Variants in NARS2 observed in about 807,000 individuals in gnomAD.
The protein encoded by NARS2 is asparaginyl-tRNA synthetase.
NARS2 carries 60 observed loss-of-function variants against 62.9 expected under a neutral mutation model. That is an observed-to-expected ratio of 0.95 (90% CI 0.77 to 1.18). NARS2 has a LOEUF of 1.18. NARS2 is among the 50% of genes most tolerant of loss of function. The pLI, the probability that NARS2 is intolerant of heterozygous loss-of-function variation, is 0.00. For synonymous variants in NARS2, 196 were observed against 200.0 expected (o/e 0.98, Z 0.17); for missense variants, 619 against 576.4 (o/e 1.07, Z -0.76).
At chr11:78,528,234 A>T (rs1031737300) in intron 6 of NARS2, among the ~76,000 whole-genome samples, 1 of 152,212 alleles carries the variant, frequency 6.6e-6, no homozygotes, top group African/African-American at 2.4e-5. Flanking sequence ...TCTAAAAAAA[A>T]TAAAAATAAA....
intron 4 of NARS2, among the ~76,000 whole-genome samples, chr11:78,564,408 C>A (rs1452102820): frequency 6.6e-6 from 1 of 152,128 alleles, no homozygotes; most frequent in Non-Finnish European, 1.5e-5. Context: ...CTAGGCTGGT[C>A]TCCAACTCCT....
intron 10 of NARS2, among the ~76,000 whole-genome samples, chr11:78,468,411 C>CT (rs112260820): frequency 0.014 from 1,844 of 132,464 alleles, 25 homozygotes; most frequent in African/African-American, 0.038. Flanking sequence ...TGTTGGTCAT[C>CT]TTTTTTTTTT....
intron 6 of NARS2, 36 bp downstream of exon 6, chr11:78,528,806 A>G (rs1482470860): frequency 7.1e-7 from 1 of 1,404,624 alleles, no homozygotes; most frequent in South Asian, 1.2e-5. Context: ...CCAAACCATA[A>G]TATATCAAAG....
chr11:78,573,110 C>T (rs192214852), intron 1 of NARS2: 3 of 152,270 alleles, frequency 2.0e-5, no homozygotes, highest in Admixed American at 6.5e-5. Context: ...ATATGGAACT[C>T]AAAGAGGAGC....
intron 6 of NARS2, among the ~76,000 whole-genome samples, chr11:78,509,390 G>T (rs4441045): frequency 0.71 from 107,266 of 151,922 alleles, 39,029 homozygotes; most frequent in Non-Finnish European, 0.81. Flanking sequence ...GCTATATAAA[G>T]AAATAAAGAT....
At chr11:78,478,558 T>A (rs527548860) in intron 8 of NARS2, 27 bp downstream of exon 8, 1 of 1,452,372 alleles carries the variant, frequency 6.9e-7, no homozygotes, top group Non-Finnish European at 9.6e-7. Context: ...AGTAGATGTA[T>A]TGGGCTTTAT....
rs745571729 is a variant in NARS2 at position 78,478,660 on chromosome 11, A to G, written c.846T>C (p.Ala282=). 6.2e-7 allele frequency: 1 copy of G among 1,610,202 alleles called. No individual in the cohort carries two copies. Among genetic ancestry groups the G allele is most frequent in the South Asian group, 1.1e-5 (1 of 90,690 alleles). Residue 282 remains alanine, a synonymous_variant, in exon 8 of 14, where the codon GCT becomes GCC. Transcript: ENST00000281038. ...ATTTTGAGAGAACCATCATTGTTGT[A>G]GCCTTGAACAGTTCCTCTATAACCT... ...LMQVIEELFK[A]TTMMVLSKCP... is the part of the protein sequence containing the mutation.
At chr11:78,548,402 T>C (rs1413802034) in intron 5 of NARS2, among the ~76,000 whole-genome samples, 1 of 152,176 alleles carries the variant, frequency 6.6e-6, no homozygotes, top group African/African-American at 2.4e-5. Flanking sequence ...TGAAACCATC[T>C]AGCACAACCA....
chr11:78,479,404 G>A (rs1448845918), intron 7 of NARS2, among the ~76,000 whole-genome samples: 1 of 152,092 alleles, frequency 6.6e-6, no homozygotes. Context: ...AGATCCTCAG[G>A]AGGCTGAGTT....
At chr11:78,549,406 C>T (rs1452974030) in intron 5 of NARS2, among the ~76,000 whole-genome samples, 2 of 152,182 alleles carry the variant, frequency 1.3e-5, no homozygotes, top group African/African-American at 4.8e-5. Flanking sequence ...AAATCTTTAC[C>T]CAAAGGAACT....
intron 7 of NARS2, among the ~76,000 whole-genome samples, chr11:78,486,615 G>C (rs533676789): frequency 1.3e-5 from 2 of 152,276 alleles, no homozygotes; most frequent in Admixed American, 1.3e-4. Context: ...CTAATAACTG[G>C]TAAAAACAAC....
At chr11:78,476,784 C>A (rs942965387) in intron 9 of NARS2, among the ~76,000 whole-genome samples, 5 of 152,046 alleles carry the variant, frequency 3.3e-5, no homozygotes, top group African/African-American at 1.2e-4. Context: ...GACAAGGACT[C>A]CAAAGCACAA....
intron 6 of NARS2, among the ~76,000 whole-genome samples, chr11:78,515,688 A>G (rs1329976069): frequency 6.7e-6 from 1 of 148,226 alleles, no homozygotes; most frequent in African/African-American, 2.5e-5. Context: ...TGGCTGATTA[A>G]AAAAAAAAAA....
chr11:78,558,321 T>C (rs1248679700), intron 5 of NARS2: 2 of 152,218 alleles, frequency 1.3e-5, no homozygotes, highest in African/African-American at 4.8e-5. Context: ...GGCATTTGAT[T>C]ATCATTCTGA....
At chr11:78,484,878 C>A (rs554162452) in intron 7 of NARS2, among the ~76,000 whole-genome samples, 2 of 152,142 alleles carry the variant, frequency 1.3e-5, no homozygotes, top group Non-Finnish European at 2.9e-5. Flanking sequence ...AATCCCATTA[C>A]GGGGTATGTA....
chr11:78,466,573 C>A (rs7945881), intron 10 of NARS2, among the ~76,000 whole-genome samples: 4 of 151,868 alleles, frequency 2.6e-5, no homozygotes, highest in Admixed American at 2.6e-4. Flanking sequence ...CTCTGTCTCC[C>A]GGGTTCAAGT....
chr11:78,537,177 G>A (rs1019778470), intron 5 of NARS2, among the ~76,000 whole-genome samples: 13 of 152,144 alleles, frequency 8.5e-5, no homozygotes, highest in African/African-American at 3.1e-4. Flanking sequence ...ATCGTTAAGC[G>A]ACACATGACC....
At chr11:78,483,762 A>C (rs544895073) in intron 7 of NARS2, among the ~76,000 whole-genome samples, 2 of 152,360 alleles carry the variant, frequency 1.3e-5, no homozygotes, top group South Asian at 4.1e-4. Context: ...ATGGAAAAAA[A>C]AATTCCATGC....
intron 7 of NARS2, among the ~76,000 whole-genome samples, chr11:78,492,746 T>C (rs1234584042): frequency 6.6e-6 from 1 of 152,328 alleles, no homozygotes; most frequent in East Asian, 1.9e-4. Flanking sequence ...ATATTATATA[T>C]ACAATTTCAT....
Sources: gnomAD v4.1 joint callset for allele counts (sites outside exome capture counted in the v4.1 genomes callset) on GRCh38, gnomAD v4.1.1 for gene constraint, MANE v1.5 for transcripts, NCBI Gene and HGNC (gene_info 2026-07-23, HGNC 2026-07-21) for gene names.